The following AHSG variants were observed in gnomAD, a reference collection of about 807,000 sequenced individuals.
The protein encoded by AHSG is alpha-2-HS-glycoprotein.
A neutral mutation model predicts 30.1 loss-of-function variants in AHSG; 23 were observed. That is an observed-to-expected ratio of 0.76 (90% CI 0.55 to 1.08). The LOEUF (loss-of-function observed/expected upper bound fraction) is 1.08. AHSG is among the 50% of genes least tolerant of loss of function. The pLI, the probability that AHSG is intolerant of heterozygous loss-of-function variation, is 0.00. For synonymous variants in AHSG, 164 were observed against 186.3 expected (o/e 0.88, Z 0.98); for missense variants, 469 against 459.5 (o/e 1.02, Z -0.19).
rs774466320 is a variant in AHSG at position 186,613,154 on chromosome 3, G to A, written c.13G>A (p.Val5Ile). The A allele has an allele frequency of 2.0e-4, 330 of 1,613,858 alleles. 1 individual carries two copies. Among genetic ancestry groups the A allele is most frequent in the Admixed American group, 6.8e-4 (41 of 59,982 alleles). Reference sequence around the variant, plus strand: ...CTCTGGGGCAGCCATGAAGTCCCTCGTCCTGCTCCTTTGTCTTGCTCAGCT... The same window carrying A: ...CTCTGGGGCAGCCATGAAGTCCCTCATCCTGCTCCTTTGTCTTGCTCAGCT... MKSLVLLLCLAQLWG... is the reference protein window; with the variant it reads MKSLILLLCLAQLWG... The change falls in exon 1 of 7, where the codon GTC becomes ATC. Residue 5 changes from valine to isoleucine, a missense_variant. Coordinates refer to ENST00000411641, the MANE Select transcript of AHSG (RefSeq NM_001622.4).
In AHSG at chr3:186,620,998, C is replaced by T; in HGVS notation, c.*68C>T. Reference sequence around the variant, plus strand: ...AGCCACCATTTTGTCCAAGCCTGGGCATGGGTGGGGGGCCTTGTCTGCTGG... The same window carrying T: ...AGCCACCATTTTGTCCAAGCCTGGGTATGGGTGGGGGGCCTTGTCTGCTGG... On this transcript the variant is annotated 3_prime_UTR_variant, in exon 7 of 7. Transcript: ENST00000411641. 3 of 1,498,788 alleles carry T rather than the reference C, an allele frequency of 2.0e-6. No individual in the cohort carries two copies. The highest frequency in any genetic ancestry group is 2.4e-5 in the East Asian group (1 of 42,446). The allele number at this position is 1,498,788 out of a possible 1,614,324, so 92.8% of individuals were successfully genotyped here. A position where few individuals can be genotyped will look rare whatever the true frequency, so the allele number is the denominator to read the frequency against.
rs1406336326 is a variant in AHSG, at chr3:186,620,799, T to C, written c.973T>C (p.Ser325Pro). ...GCGCCACACCTTCATGGGTGTGGTC[T>C]CATTGGGGTCACCCTCAGGAGAAGT... Reference protein sequence around the residue: ...DLRHTFMGVVSLGSPSGEVSH... With the variant: ...DLRHTFMGVVPLGSPSGEVSH... Residue 325 changes from serine (S) to proline (P), a missense_variant, in exon 7 of 7, where the codon TCA becomes CCA. By Grantham distance (74) the Ser-to-Pro change is moderately conservative (BLOSUM62 -1). Coordinates refer to ENST00000411641, the MANE Select transcript of AHSG (RefSeq NM_001622.4). The C allele has an allele frequency of 2.5e-6, 4 of 1,614,184 alleles. No homozygotes were observed. Among genetic ancestry groups the C allele is most frequent in the Non-Finnish European group, 3.4e-6 (4 of 1,180,036 alleles).
At chr3:186,616,371 C>T (rs528640304) in intron 2 of AHSG, 72 bp from the exon 3 acceptor site, 8 of 1,220,474 alleles carry the variant, frequency 6.6e-6, no homozygotes, top group Middle Eastern at 1.9e-4. Flanking sequence ...CTTTGACAGC[C>T]GTGCCTGGAG....
chr3:186,617,465 G>A (rs1347291341), intron 4 of AHSG, 115 bp downstream of exon 4: 4 of 1,563,286 alleles, frequency 2.6e-6, no homozygotes, highest in Non-Finnish European at 3.5e-6. Context: ...CGATGAGAAA[G>A]CAAGGAGAGG....
At position 186,617,238 on chromosome 3, in the gene AHSG, C is replaced by T; in HGVS notation, c.461C>T (p.Pro154Leu). 3.7e-6 allele frequency: 6 copies of T among 1,614,100 alleles called. No homozygotes were observed. Among genetic ancestry groups the T allele is most frequent in the Non-Finnish European group, 5.1e-6 (6 of 1,180,024 alleles). ...KVCQDCPLLAPLNDTRVVHAA... is the reference protein window; with the variant it reads ...KVCQDCPLLALLNDTRVVHAA... ...TGCCAAGACTGCCCCCTGCTGGCCC[C>T]GCTGAACGACACCAGGGTGGTGCAC... is the stretch of plus-strand genomic sequence containing the variant. Residue 154 changes from proline (P) to leucine (L), a missense_variant, in exon 4 of 7, where the codon CCG (proline) becomes CTG (leucine). Physicochemically the swap from Pro to Leu is moderately conservative, Grantham distance 98 (BLOSUM62 -3). Transcript: ENST00000411641.
At chr3:186,617,064 G>C (rs891784793) in intron 3 of AHSG, 123 bp from the exon 4 acceptor site, 5 of 1,506,154 alleles carry the variant, frequency 3.3e-6, no homozygotes, top group Non-Finnish European at 4.4e-6. Flanking sequence ...TGAAGGTTTA[G>C]TAAGAAGCAG....
chr3:186,615,269 G>A (rs1716262304), intron 1 of AHSG, among the ~76,000 whole-genome samples: 2 of 152,218 alleles, frequency 1.3e-5, no homozygotes, highest in South Asian at 4.1e-4. Context: ...TTTGCAGCTT[G>A]TCTGAGAAAA....
rs146130568 is a variant in AHSG, at chr3:186,620,891, T to C, written c.1065T>C (p.Val355=). 137 of 1,613,862 alleles carry C rather than the reference T, an allele frequency of 8.5e-5. No individual in the cohort carries two copies. The highest frequency in any genetic ancestry group is 1.1e-4 in the Non-Finnish European group (133 of 1,179,948). The part of the protein sequence containing the change: ...PSVGAAAGPV[V]PPCPGRIRHF... ...TTGGTGCTGCTGCTGGGCCAGTGGT[T>C]CCTCCATGTCCGGGGAGGATCAGAC... The change falls in exon 7 of 7, where the codon GTT becomes GTC. Residue 355 remains valine (V), a synonymous_variant. Transcript: ENST00000411641.
At chr3:186,617,412 A>G (rs1716342820) in intron 4 of AHSG, 62 bp downstream of exon 4, 1 of 1,613,334 alleles carries the variant, frequency 6.2e-7, no homozygotes, top group Admixed American at 1.7e-5. Context: ...AATGTACTGT[A>G]CGTGGTGGAG....
At chr3:186,620,131 G>C (rs372945050) in intron 6 of AHSG, among the ~76,000 whole-genome samples, 191 bp downstream of exon 6, 1 of 152,148 alleles carries the variant, frequency 6.6e-6, no homozygotes, top group Non-Finnish European at 1.5e-5. Flanking sequence ...TCCCTCCCAC[G>C]AACTAGTGAC....
intron 6 of AHSG, among the ~76,000 whole-genome samples, 184 bp downstream of exon 6, chr3:186,620,124 C>T (rs562630713): frequency 2.0e-5 from 3 of 152,188 alleles, no homozygotes; most frequent in Non-Finnish European, 4.4e-5. Flanking sequence ...ATGCCTTTCC[C>T]TCCCACGAAC....
At chr3:186,615,041 AG>A (rs1415599148) in intron 1 of AHSG, among the ~76,000 whole-genome samples, 1 of 152,262 alleles carries the variant, frequency 6.6e-6, no homozygotes, top group East Asian at 1.9e-4. Context: ...TATCGCCAGC[AG>A]GGGGAAGTAG....
At position 186,617,177 on chromosome 3, in the gene AHSG, C is replaced by G. The variant is rs1295744128; in HGVS notation, c.410-10C>G. The G allele has an allele frequency of 1.6e-5, 25 of 1,604,490 alleles. No homozygotes were observed. Among genetic ancestry groups the G allele is most frequent in the Non-Finnish European group, 1.9e-5 (22 of 1,175,310 alleles). ...GGCTGCCCACATCCTGGTTTCCTCT[C>G]TCCGAGCAGACTCAGCCGAGGACGT... On this transcript the variant is annotated splice_polypyrimidine_tract_variant and intron_variant, in intron 3 of 6. Transcript: ENST00000411641.
At chr3:186,615,869 G>A (rs924771303) in intron 2 of AHSG, 74 bp downstream of exon 2, 6 of 1,348,780 alleles carry the variant, frequency 4.4e-6, no homozygotes, top group Non-Finnish European at 6.3e-6. Context: ...GTCTCAGCCT[G>A]CCTTCTTGGC....
In AHSG at chr3:186,621,159, T is replaced by C. The variant is rs781636075; in HGVS notation, c.*229T>C. 48 of 528,452 alleles carry C rather than the reference T, an allele frequency of 9.1e-5. No homozygotes were observed. The highest frequency in any genetic ancestry group is 2.9e-4 in the Admixed American group (9 of 31,334). The allele number at this position is 528,452 out of a possible 1,614,324, so 32.7% of individuals were successfully genotyped here. A position where few individuals can be genotyped will look rare whatever the true frequency, so the allele number is the denominator to read the frequency against. ...GCATTAGGTTGACAACTTGTCATGA[T>C]TTTGACGGTAAGCCACCATGATTGT... On this transcript the variant is annotated 3_prime_UTR_variant, in exon 7 of 7. Transcript: ENST00000411641.
At position 186,620,795 on chromosome 3, in the gene AHSG, G is replaced by T. The variant is rs1490356321; in HGVS notation, c.969G>T (p.Val323=). 6.2e-7 allele frequency: 1 copy of T among 1,614,190 alleles called. No individual in the cohort carries two copies. Among genetic ancestry groups the T allele is most frequent in the South Asian group, 1.1e-5 (1 of 91,082 alleles). The change falls in exon 7 of 7, where the codon GTG becomes GTT. Residue 323 remains valine, a synonymous_variant. Transcript: ENST00000411641. ...ACCTGCGCCACACCTTCATGGGTGTGGTCTCATTGGGGTCACCCTCAGGAG... is the reference window on the plus strand; with the variant it reads ...ACCTGCGCCACACCTTCATGGGTGTTGTCTCATTGGGGTCACCCTCAGGAG... ...HYDLRHTFMG[V]VSLGSPSGEV...
chr3:186,613,205 G>A lies in AHSG; in HGVS notation c.64G>A (p.Gly22Ser), dbSNP rs1252870356. 1 of 1,614,068 alleles carries A rather than the reference G, an allele frequency of 6.2e-7. No homozygotes were observed. The highest frequency in any genetic ancestry group is 8.5e-7 in the Non-Finnish European group (1 of 1,179,998). Residue 22 changes from glycine (G) to serine (S), a missense_variant, in exon 1 of 7, where the codon GGC becomes AGC. Transcript: ENST00000411641. ...CTGGGGCTGCCACTCAGCCCCACAT[G>A]GCCCAGGGCTGATTTATAGACAACC... Reference protein sequence around the residue: ...QLWGCHSAPHGPGLIYRQPNC... With the variant: ...QLWGCHSAPHSPGLIYRQPNC...
chr3:186,618,313 C>T (rs1716372021), intron 4 of AHSG, among the ~76,000 whole-genome samples: 1 of 152,166 alleles, frequency 6.6e-6, no homozygotes, highest in South Asian at 2.1e-4. Flanking sequence ...ATACTTGCCC[C>T]TCCTACAAGG....
rs1364162235 is a variant in AHSG at position 186,616,448 on chromosome 3, C to A, written c.330C>A (p.Val110=). The A allele has an allele frequency of 6.2e-7, 1 of 1,612,726 alleles. No individual in the cohort carries two copies. The highest frequency in any genetic ancestry group is 1.3e-5 in the African/African-American group (1 of 74,968). ...ACGTGGGTTTCTTTCTCCAGGCTGT[C>A]GAAGGAGACTGTGATTTCCAGCTGT... The part of the protein sequence containing the change: ...CSVRQLKEHA[V]EGDCDFQLLK... Residue 110 remains valine (V), a synonymous_variant, in exon 3 of 7, where the codon GTC becomes GTA. Transcript: ENST00000411641.
Sources: gnomAD v4.1 joint callset for allele counts (sites outside exome capture counted in the v4.1 genomes callset) on GRCh38, gnomAD v4.1.1 for gene constraint, MANE v1.5 for transcripts, NCBI Gene and HGNC (gene_info 2026-07-23, HGNC 2026-07-21) for gene names.